ZCCHC17: variants seen among roughly 807,000 people sequenced by gnomAD.
ZCCHC17 encodes zinc finger CCHC domain-containing protein 17.
In ZCCHC17, 18 loss-of-function variants were observed where a neutral mutation model predicts 30.6. The observed-to-expected ratio is 0.59, with a 90% CI of 0.41 to 0.87. The LOEUF (loss-of-function observed/expected upper bound fraction) is 0.87, where lower values mean the gene tolerates loss of function less well. Ranked by LOEUF, ZCCHC17 falls within the 40% of genes least tolerant of loss-of-function variation. The pLI, the probability that ZCCHC17 is intolerant of heterozygous loss-of-function variation, is 0.00. For missense variants in ZCCHC17, 263 were observed against 284.2 expected, an observed-to-expected ratio of 0.93 and a Z score of 0.54; for synonymous variants, 88 against 92.4, an observed-to-expected ratio of 0.95 and a Z score of 0.27.
chr1:31,331,504 T>C (rs1638586905), intron 3 of ZCCHC17, among the ~76,000 whole-genome samples: 2 of 152,076 alleles, frequency 1.3e-5, no homozygotes, highest in African/African-American at 4.8e-5. Context: ...GTTGTCAGCT[T>C]AAAACATGGT....
At chr1:31,303,771 C>T (rs1208607172) in intron 1 of ZCCHC17, among the ~76,000 whole-genome samples, 2 of 152,152 alleles carry the variant, frequency 1.3e-5, no homozygotes, top group East Asian at 3.8e-4. Flanking sequence ...TTTTTTCCTA[C>T]AAACAAGGAC....
At chr1:31,310,282 A>C in intron 2 of ZCCHC17, 118 bp downstream of exon 2, 1 of 974,914 alleles carries the variant, frequency 1.0e-6, no homozygotes, top group Non-Finnish European at 1.5e-6. Context: ...CTTAAATGGG[A>C]AGGGCCAGCG....
chr1:31,363,788 G>A (rs1640021957), intron 7 of ZCCHC17, among the ~76,000 whole-genome samples: 1 of 152,082 alleles, frequency 6.6e-6, no homozygotes, highest in Admixed American at 6.5e-5. Context: ...CTGTCTAAAA[G>A]AAAATTAAGT....
intron 2 of ZCCHC17, among the ~76,000 whole-genome samples, chr1:31,317,932 C>G (rs900022859): frequency 6.6e-6 from 1 of 152,134 alleles, no homozygotes; most frequent in Non-Finnish European, 1.5e-5. Context: ...ATTAAGACTC[C>G]GGATTCAAAT....
At chr1:31,321,896 A>C (rs184757751) in intron 3 of ZCCHC17, among the ~76,000 whole-genome samples, 65 of 152,368 alleles carry the variant, frequency 4.3e-4, no homozygotes, top group Non-Finnish European at 5.3e-4. Flanking sequence ...TTGAAATGAC[A>C]AAGTTATTTA....
chr1:31,360,596 A>C (rs966461212), intron 7 of ZCCHC17, among the ~76,000 whole-genome samples: 1 of 152,202 alleles, frequency 6.6e-6, no homozygotes, highest in African/African-American at 2.4e-5. Flanking sequence ...TTTTGCATCA[A>C]AGTTGAGGTC....
intron 7 of ZCCHC17, among the ~76,000 whole-genome samples, chr1:31,350,909 G>A (rs761171770): frequency 6.6e-6 from 1 of 152,040 alleles, no homozygotes; most frequent in Non-Finnish European, 1.5e-5. Context: ...GCAAACTTCC[G>A]TTTTTTCATT....
rs1254344406 is a variant in ZCCHC17 at position 31,356,790 on chromosome 1, A to C, written c.565-7242A>C. ...AGGATGCATTGATTTAGTTGTGTGC[A>C]TCTGGCACCATGAACAATTTTTGTC... On this transcript the variant is annotated intron_variant, in intron 7 of 7. Transcript: ENST00000344147. Among the ~76,000 whole-genome samples, 6 of 152,368 alleles carry C rather than the reference A, an allele frequency of 3.9e-5. No homozygotes were observed. In the East Asian group the frequency reaches 1.2e-3, roughly 29 times the overall value.
intron 3 of ZCCHC17, among the ~76,000 whole-genome samples, chr1:31,334,203 T>G (rs1236180539): frequency 6.6e-5 from 10 of 152,042 alleles, no homozygotes. Context: ...GTATGTGGGA[T>G]GTAGTGATGA....
intron 1 of ZCCHC17, among the ~76,000 whole-genome samples, chr1:31,308,103 G>A (rs2148411876): frequency 6.6e-6 from 1 of 152,296 alleles, no homozygotes; most frequent in African/African-American, 2.4e-5. Flanking sequence ...AGATGAGATT[G>A]TATTGCTATG....
chr1:31,331,572 T>A (rs1443828103), intron 3 of ZCCHC17, among the ~76,000 whole-genome samples: 1 of 152,128 alleles, frequency 6.6e-6, no homozygotes, highest in Non-Finnish European at 1.5e-5. Context: ...CTTGCCTTAT[T>A]TATGGCAGAA....
chr1:31,357,519 A>G (rs1312525732), intron 7 of ZCCHC17, among the ~76,000 whole-genome samples: 1 of 152,212 alleles, frequency 6.6e-6, no homozygotes, highest in Non-Finnish European at 1.5e-5. Context: ...ATTGCAGGTA[A>G]AGTAGTGAAC....
chr1:31,323,906 T>G (rs1646920970), intron 3 of ZCCHC17, among the ~76,000 whole-genome samples: 1 of 152,208 alleles, frequency 6.6e-6, no homozygotes, highest in Non-Finnish European at 1.5e-5. Flanking sequence ...TTTGAAGAAT[T>G]TAGTGTAAGT....
chr1:31,309,551 G>A (rs1002639906), intron 1 of ZCCHC17, among the ~76,000 whole-genome samples: 5 of 152,234 alleles, frequency 3.3e-5, no homozygotes, highest in African/African-American at 1.2e-4. Context: ...CTGATCCTGA[G>A]ATCGTCCGAC....
intron 1 of ZCCHC17, among the ~76,000 whole-genome samples, chr1:31,299,040 G>A (rs1476255336): frequency 6.6e-6 from 1 of 152,198 alleles, no homozygotes; most frequent in South Asian, 2.1e-4. Context: ...TATCATCATG[G>A]AGGTCACAGT....
Position 31,364,199 on chromosome 1 carries a change from T to C in ZCCHC17, c.*6T>C. 2.5e-6 allele frequency: 4 copies of C among 1,611,360 alleles called. No homozygotes were observed. Among genetic ancestry groups the C allele is most frequent in the African/African-American group, 1.3e-5 (1 of 74,832 alleles). ...AGAAGAAGCACAAGGAGTGAGAGTA[T>C]AAAGAGTGTAGGGGGTGGTTGAGAG... On this transcript the variant is annotated 3_prime_UTR_variant, in exon 8 of 8. Transcript: ENST00000344147.
At chr1:31,333,383 C>T (rs548659781) in intron 3 of ZCCHC17, among the ~76,000 whole-genome samples, 223 of 152,078 alleles carry the variant, frequency 1.5e-3, no homozygotes, top group Non-Finnish European at 2.4e-3. Context: ...ATTAGCCGGG[C>T]GTGGTGGCAG....
intron 1 of ZCCHC17, among the ~76,000 whole-genome samples, chr1:31,301,153 A>G (rs900851640): frequency 3.3e-5 from 5 of 152,228 alleles, no homozygotes; most frequent in Non-Finnish European, 7.3e-5. Context: ...GAATTGATGA[A>G]TTAACAATTT....
chr1:31,318,749 G>T (rs1305566627), intron 2 of ZCCHC17, among the ~76,000 whole-genome samples: 7 of 152,000 alleles, frequency 4.6e-5, no homozygotes, highest in African/African-American at 1.5e-4. Context: ...TTATTACCTG[G>T]TTTTTTGCTT....
Sources: gnomAD v4.1 joint callset for allele counts (sites outside exome capture counted in the v4.1 genomes callset) on GRCh38, gnomAD v4.1.1 for gene constraint, MANE v1.5 for transcripts, NCBI Gene and HGNC (gene_info 2026-07-23, HGNC 2026-07-21) for gene names.